The following PTK2B variants were observed in gnomAD, a reference collection of about 807,000 sequenced individuals.
The protein encoded by PTK2B is protein tyrosine kinase 2 beta, also known as protein-tyrosine kinase 2-beta.
In PTK2B, 71 loss-of-function variants were observed where a neutral mutation model predicts 142.9. That is an observed-to-expected ratio of 0.50 (90% confidence interval 0.41 to 0.61). The LOEUF (loss-of-function observed/expected upper bound fraction) is 0.61. PTK2B is among the 20% of genes least tolerant of loss of function. The pLI is 0.00. For synonymous variants in PTK2B, 519 were observed against 503.4 expected, an observed-to-expected ratio of 1.03 and a Z score of -0.42; for missense variants, 1,105 against 1,320.4, an observed-to-expected ratio of 0.84 and a Z score of 2.53.
intron 1 of PTK2B, among the ~76,000 whole-genome samples, chr8:27,356,201 A>T (rs1212372752): frequency 3.9e-5 from 6 of 152,176 alleles, no homozygotes; most frequent in African/African-American, 1.4e-4. Flanking sequence ...ATGTGTTATG[A>T]TCGCAGGTTG....
At chr8:27,442,208 A>T (rs765373786) in intron 21 of PTK2B, among the ~76,000 whole-genome samples, 1 of 152,226 alleles carries the variant, frequency 6.6e-6, no homozygotes. Flanking sequence ...CATTTTTATT[A>T]TACATAATAA....
At chr8:27,441,382 G>A (rs1217962379) in intron 21 of PTK2B, among the ~76,000 whole-genome samples, 4 of 152,146 alleles carry the variant, frequency 2.6e-5, no homozygotes, top group East Asian at 1.9e-4. Flanking sequence ...CCCTCTGGGC[G>A]CTTATTTGCT....
chr8:27,420,519 G>A lies in PTK2B; in HGVS notation c.384-138G>A, dbSNP rs1041769903. On this transcript the variant is annotated intron_variant, in intron 3 of 30. Coordinates refer to ENST00000346049, the MANE Select transcript of PTK2B (RefSeq NM_173176.3). The stretch of plus-strand genomic sequence containing the variant: ...GGAGGGAAAGAGAAAAACCAGCCCT[G>A]AATGAGTGGCCACGAGACTCATGGG... 1.4e-5 allele frequency: 11 copies of A among 803,474 alleles called. No homozygotes were observed. The African/African-American group carries it at 1.9e-4, about 14-fold the overall frequency. The allele number at this position is 803,474 out of a possible 1,614,324, so 49.8% of individuals were successfully genotyped here. A position where few individuals can be genotyped will look rare whatever the true frequency, so the allele number is the denominator to read the frequency against.
At chr8:27,387,084 CTT>C (rs1272687591) in intron 1 of PTK2B, among the ~76,000 whole-genome samples, 1 of 152,148 alleles carries the variant, frequency 6.6e-6, no homozygotes, top group Non-Finnish European at 1.5e-5. Context: ...GGGCTGTACT[CTT>C]TGGCACAGAA....
intron 11 of PTK2B, among the ~76,000 whole-genome samples, 155 bp from the exon 12 acceptor site, chr8:27,433,938 T>G (rs1333469609): frequency 1.3e-5 from 2 of 152,240 alleles, no homozygotes; most frequent in Non-Finnish European, 2.9e-5. Context: ...ATTCCACTTC[T>G]GGCCCAAGGC....
intron 1 of PTK2B, among the ~76,000 whole-genome samples, chr8:27,383,902 G>T (rs1050964356): frequency 1.4e-5 from 2 of 144,080 alleles, no homozygotes; most frequent in African/African-American, 2.5e-5. Flanking sequence ...AGGCTGGAGT[G>T]CAATGGTGTG....
intron 9 of PTK2B, 43 bp downstream of exon 9, chr8:27,431,515 G>A: frequency 6.2e-7 from 1 of 1,610,942 alleles, no homozygotes; most frequent in Non-Finnish European, 8.5e-7. Flanking sequence ...CAGGCGGGGA[G>A]GTCGTCCCCT....
intron 2 of PTK2B, among the ~76,000 whole-genome samples, chr8:27,401,381 T>C (rs1808378158): frequency 6.6e-6 from 1 of 152,160 alleles, no homozygotes; most frequent in Non-Finnish European, 1.5e-5. Flanking sequence ...TAGAAATAAG[T>C]GCATGGCTTT....
At chr8:27,380,992 A>G (rs1806980657) in intron 1 of PTK2B, among the ~76,000 whole-genome samples, 1 of 152,202 alleles carries the variant, frequency 6.6e-6, no homozygotes, top group Non-Finnish European at 1.5e-5. Context: ...GACTGTACCT[A>G]AGTATGCTGT....
chr8:27,441,708 C>G (rs1358863168), intron 21 of PTK2B, among the ~76,000 whole-genome samples: 2 of 152,198 alleles, frequency 1.3e-5, no homozygotes, highest in African/African-American at 2.4e-5. Context: ...ATTCTAGACT[C>G]CTGTGTTGGT....
At chr8:27,320,655 G>A (rs1803191045), upstream of PTK2B, among the ~76,000 whole-genome samples, 1 of 152,208 alleles carries the variant, frequency 6.6e-6, no homozygotes. Context: ...GAGATGCACA[G>A]GGTGAGGTCT....
In PTK2B at chr8:27,420,014, G is replaced by T. The variant is rs747067824; in HGVS notation, c.324G>T (p.Gln108His). Reference protein sequence around the residue: ...KSDEIHWLHPQMTVGEVQDKY... With the variant: ...KSDEIHWLHPHMTVGEVQDKY... Reference sequence around the variant, plus strand: ...ATGAGATCCACTGGCTGCACCCACAGATGACGGTGGGTGAGGTGCAGGACA... The same window carrying T: ...ATGAGATCCACTGGCTGCACCCACATATGACGGTGGGTGAGGTGCAGGACA... The change falls in exon 3 of 31, where the codon CAG becomes CAT. Residue 108 changes from glutamine (Q) to histidine (H), a missense_variant. By Grantham distance (24) the Gln-to-His change is conservative (BLOSUM62 0). Coordinates refer to ENST00000346049, the MANE Select transcript of PTK2B (RefSeq NM_173176.3). 6.2e-7 allele frequency: 1 copy of T among 1,614,210 alleles called. No homozygotes were observed. Among genetic ancestry groups the T allele is most frequent in the African/African-American group, 1.3e-5 (1 of 75,056 alleles).
At chr8:27,437,324 A>T in intron 16 of PTK2B, 72 bp from the exon 17 acceptor site, 1 of 1,552,638 alleles carries the variant, frequency 6.4e-7, no homozygotes, top group Non-Finnish European at 8.9e-7. Context: ...TCCCAGCTAG[A>T]AGAGCAAAGG....
intron 5 of PTK2B, among the ~76,000 whole-genome samples, chr8:27,426,781 C>A (rs770221209): frequency 6.6e-6 from 1 of 152,176 alleles, no homozygotes; most frequent in Non-Finnish European, 1.5e-5. Flanking sequence ...GATGTGCTAG[C>A]TGAGCTTCCT....
At chr8:27,311,045 G>T, upstream of PTK2B, 1 of 1,599,558 alleles carries the variant, frequency 6.3e-7, no homozygotes, top group Non-Finnish European at 8.5e-7. Context: ...GGCGGGTGAC[G>T]CGCGGTCTTT....
intron 18 of PTK2B, 36 bp from the exon 19 acceptor site, chr8:27,438,995 C>A (rs1810979505): frequency 1.3e-6 from 2 of 1,542,938 alleles, no homozygotes; most frequent in Admixed American, 3.3e-5. Context: ...TGGGGGTGGG[C>A]AGTGCCTCAT....
At chr8:27,423,526 G>A (rs555426399) in intron 5 of PTK2B, among the ~76,000 whole-genome samples, 1 of 152,296 alleles carries the variant, frequency 6.6e-6, no homozygotes, top group Admixed American at 6.5e-5. Context: ...AATGCCATTA[G>A]ATATATGGGT....
At chr8:27,343,698 T>A (rs907624369) in intron 1 of PTK2B, among the ~76,000 whole-genome samples, 1 of 152,162 alleles carries the variant, frequency 6.6e-6, no homozygotes, top group African/African-American at 2.4e-5. Context: ...CTGACCTTTC[T>A]CCTTTAAAAA....
intron 20 of PTK2B, 105 bp downstream of exon 20, chr8:27,439,503 T>A: frequency 8.2e-7 from 1 of 1,222,098 alleles, no homozygotes; most frequent in Non-Finnish European, 1.2e-6. Context: ...CCACCCTCCG[T>A]TCCCAGGGTT....
Sources: allele counts gnomAD v4.1 joint callset (sites outside exome capture counted in the v4.1 genomes callset), GRCh38; gene constraint gnomAD v4.1.1; transcripts MANE v1.5; gene names NCBI Gene and HGNC (gene_info 2026-07-23, HGNC 2026-07-21).